The following PRTG variants were observed in gnomAD, a reference collection of about 807,000 sequenced individuals.
PRTG encodes immunoglobulin superfamily, DCC subclass, member 5.
Under a neutral mutation model 122.5 loss-of-function variants are expected in PRTG, and 67 were observed. That is an observed-to-expected ratio of 0.55 (90% CI 0.45 to 0.67). PRTG has a LOEUF of 0.67. Among genes scored for constraint, PRTG ranks in the 30% least tolerant of loss-of-function variants. The probability of loss-of-function intolerance (pLI) is 0.00; values close to 1 mark genes in which losing one functional copy is unlikely to be tolerated. For missense variants in PRTG, 1,435 were observed against 1,415.4 expected, an observed-to-expected ratio of 1.01 and a Z score of -0.22; for synonymous variants, 554 against 501.1, an observed-to-expected ratio of 1.11 and a Z score of -1.41.
chr15:55,653,275 C>A (rs963440392), intron 11 of PRTG, among the ~76,000 whole-genome samples: 1 of 151,996 alleles, frequency 6.6e-6, no homozygotes, highest in Non-Finnish European at 1.5e-5. Context: ...TTGTCTAAAC[C>A]TGAAATGATA....
rs2059210479 is a variant in PRTG at position 55,628,942 on chromosome 15, A to G, written c.2686T>C (p.Ser896Pro). 2.5e-6 allele frequency: 4 copies of G among 1,613,952 alleles called. No individual in the cohort carries two copies. Among genetic ancestry groups the G allele is most frequent in the East Asian group, 2.2e-5 (1 of 44,886 alleles). The change falls in exon 16 of 20, where the codon TCT becomes CCT. Residue 896 changes from serine (S) to proline (P), a missense_variant. Ser to Pro is a moderately conservative substitution (Grantham distance 74). Coordinates refer to ENST00000389286, the MANE Select transcript of PRTG (RefSeq NM_173814.6). ...CCTTCTCCCACCTCATTGGATGCAG[A>G]TATCTTGACAATGTACACATTTCCT... ...VAGNVYIVKISASNEVGEGPF... is the reference protein window; with the variant it reads ...VAGNVYIVKIPASNEVGEGPF...
In PRTG at chr15:55,612,476, T is replaced by C. The variant is rs2059124408; in HGVS notation, c.*7536A>G. ...AAAAAGAAGCCAATCATATAATTCT[T>C]CCCAACAAACCCTACATATGAACTC... On this transcript the variant is annotated 3_prime_UTR_variant, in exon 20 of 20. Transcript: ENST00000389286. 1 of 151,800 alleles carries C rather than the reference T, an allele frequency of 6.6e-6. No homozygotes were observed. Among genetic ancestry groups the C allele is most frequent in the African/African-American group, 2.4e-5 (1 of 41,314 alleles). 9.4% of individuals were successfully genotyped at this position (151,800 alleles called of 1,614,324 possible).
chr15:55,652,252 G>A (rs140222385), intron 11 of PRTG, among the ~76,000 whole-genome samples: 2 of 152,170 alleles, frequency 1.3e-5, no homozygotes, highest in African/African-American at 4.8e-5. Context: ...CTGATATAAC[G>A]TCAGGATATG....
intron 2 of PRTG, among the ~76,000 whole-genome samples, chr15:55,709,199 T>A (rs2030278205): frequency 9.9e-6 from 1 of 100,688 alleles, no homozygotes. Flanking sequence ...TTTAAAGCCC[T>A]ATGGGACCCT....
At chr15:55,665,803 C>CATCG (rs1270508313) in intron 11 of PRTG, among the ~76,000 whole-genome samples, 1 of 152,182 alleles carries the variant, frequency 6.6e-6, no homozygotes, top group Non-Finnish European at 1.5e-5. Flanking sequence ...GATCCACCCA[C>CATCG]ATCGGCCTCC....
chr15:55,656,116 A>G (rs2059378437), intron 11 of PRTG: 1 of 226,382 alleles, frequency 4.4e-6, no homozygotes, highest in South Asian at 6.1e-5. Context: ...CAAATTTAAC[A>G]ATGGCAGCAT....
At chr15:55,696,428 T>C (rs1166052642) in intron 2 of PRTG, among the ~76,000 whole-genome samples, 2 of 152,206 alleles carry the variant, frequency 1.3e-5, no homozygotes, top group African/African-American at 2.4e-5. Context: ...CAAAACACAG[T>C]GGTAACTTCT....
intron 15 of PRTG, among the ~76,000 whole-genome samples, chr15:55,635,073 G>GT (rs771585986): frequency 0.7 from 90,256 of 129,442 alleles, 28,272 homozygotes; most frequent in Admixed American, 0.76. Context: ...TGTTGGTTCT[G>GT]GGTGTGTGTG....
intron 2 of PRTG, among the ~76,000 whole-genome samples, chr15:55,734,494 A>G (rs1218063726): frequency 1.3e-5 from 2 of 152,072 alleles, no homozygotes; most frequent in East Asian, 1.9e-4. Context: ...ACTAAATCCA[A>G]TAAGGACACC....
chr15:55,713,517 G>A (rs1032550663), intron 2 of PRTG, among the ~76,000 whole-genome samples: 2 of 152,078 alleles, frequency 1.3e-5, no homozygotes, highest in Admixed American at 6.6e-5. Flanking sequence ...AATTTTTCCC[G>A]ATATTGCCAA....
At chr15:55,686,433 C>T (rs1456047973) in intron 2 of PRTG, among the ~76,000 whole-genome samples, 1 of 152,078 alleles carries the variant, frequency 6.6e-6, no homozygotes, top group African/African-American at 2.4e-5. Flanking sequence ...CAGAAGCTCC[C>T]CCAGCCTGTC....
At chr15:55,709,230 A>G (rs1396112355) in intron 2 of PRTG, among the ~76,000 whole-genome samples, 1 of 130,804 alleles carries the variant, frequency 7.6e-6, no homozygotes, top group African/African-American at 2.8e-5. Flanking sequence ...TAATTTCTTT[A>G]TGGCCGTAAT....
intron 18 of PRTG, among the ~76,000 whole-genome samples, chr15:55,623,836 T>C (rs1031609033): frequency 6.6e-6 from 1 of 152,206 alleles, no homozygotes; most frequent in Non-Finnish European, 1.5e-5. Flanking sequence ...ACAACTTTCT[T>C]CAGCCATAAA....
In PRTG at chr15:55,615,575, A is replaced by G. The variant is rs1433963729; in HGVS notation, c.*4437T>C. ...ACTGGTTGTATATGGTAGTCTCCAG[A>G]ACCTGCTACTCAGTGCTCACAAACT... On this transcript the variant is annotated 3_prime_UTR_variant, in exon 20 of 20. Transcript: ENST00000389286. The G allele has an allele frequency of 1.3e-5, 2 of 152,170 alleles. No individual in the cohort carries two copies. The highest frequency in any genetic ancestry group is 2.9e-5 in the Non-Finnish European group (2 of 67,996). 9.4% of individuals were successfully genotyped at this position (152,170 alleles called of 1,614,324 possible).
chr15:55,705,668 T>TGACCTCAAGTGATCCTCCC (rs1354539472), intron 2 of PRTG, among the ~76,000 whole-genome samples: 2 of 151,982 alleles, frequency 1.3e-5, no homozygotes, highest in African/African-American at 2.4e-5. Flanking sequence ...GTTGCACTCC[T>TGACCTCAAGTGATCCTCCC]GACCTCAAGT....
At chr15:55,627,292 G>A (rs2059200215) in intron 16 of PRTG, among the ~76,000 whole-genome samples, 164 bp from the exon 17 acceptor site, 1 of 150,722 alleles carries the variant, frequency 6.6e-6, no homozygotes, top group African/African-American at 2.4e-5. Flanking sequence ...TTTAATCAGT[G>A]ATTTCAGAGA....
chr15:55,708,310 C>CA (rs1292803517), intron 2 of PRTG, among the ~76,000 whole-genome samples: 1 of 152,016 alleles, frequency 6.6e-6, no homozygotes, highest in Non-Finnish European at 1.5e-5. Context: ...ATGAATGGTG[C>CA]AAATAAAGTG....
At chr15:55,714,509 G>T (rs1471446635) in intron 2 of PRTG, among the ~76,000 whole-genome samples, 1 of 151,776 alleles carries the variant, frequency 6.6e-6, no homozygotes, top group East Asian at 1.9e-4. Context: ...GGGATTACAA[G>T]TGTGAGCCAC....
chr15:55,653,671 C>T (rs1239776638), intron 11 of PRTG, among the ~76,000 whole-genome samples: 2 of 152,122 alleles, frequency 1.3e-5, no homozygotes, highest in Admixed American at 6.6e-5. Flanking sequence ...GCCCTGTTAG[C>T]CAGGCTGGTC....
Sources: gnomAD v4.1 joint callset for allele counts (sites outside exome capture counted in the v4.1 genomes callset) on GRCh38, gnomAD v4.1.1 for gene constraint, MANE v1.5 for transcripts, NCBI Gene and HGNC (gene_info 2026-07-23, HGNC 2026-07-21) for gene names.